FAM83B: variants seen among roughly 807,000 people sequenced by gnomAD.
FAM83B encodes the protein protein FAM83B.
FAM83B carries 26 observed loss-of-function variants against 38.8 expected under a neutral mutation model. That is an observed-to-expected ratio of 0.67 (90% CI 0.49 to 0.93). The LOEUF is 0.93. FAM83B is among the 40% of genes least tolerant of loss of function. The pLI is 0.00. For missense variants in FAM83B, 1,237 were observed against 1,197.3 expected (o/e 1.03, Z -0.49); for synonymous variants, 419 against 423.1 (o/e 0.99, Z 0.12).
chr6:54,927,693 A>C (rs1773330105), intron 4 of FAM83B, 61 bp downstream of exon 4: 1 of 1,110,390 alleles, frequency 9.0e-7, no homozygotes, highest in Non-Finnish European at 1.2e-6. Context: ...TTAGTTTCAA[A>C]TTTTAATATA....
chr6:54,917,455 A>C (rs1311060721), intron 2 of FAM83B, among the ~76,000 whole-genome samples: 2 of 152,166 alleles, frequency 1.3e-5, no homozygotes, highest in African/African-American at 2.4e-5. Flanking sequence ...TCTTCTTTAC[A>C]TAATTAAATT....
At chr6:54,938,897 G>C (rs962006159) in intron 4 of FAM83B, among the ~76,000 whole-genome samples, 5 of 151,980 alleles carry the variant, frequency 3.3e-5, no homozygotes, top group African/African-American at 1.2e-4. Flanking sequence ...TGTTTTTGTT[G>C]CATTTGTTTT....
intron 2 of FAM83B, among the ~76,000 whole-genome samples, chr6:54,922,268 T>G (rs961910578): frequency 3.3e-5 from 5 of 152,046 alleles, no homozygotes; most frequent in African/African-American, 9.7e-5. Flanking sequence ...AAATTAAAAA[T>G]AAATTTTTAA....
intron 3 of FAM83B, 125 bp from the exon 4 acceptor site, chr6:54,927,383 G>GTT: frequency 4.9e-5 from 30 of 610,764 alleles, no homozygotes; most frequent in South Asian, 8.5e-5. Context: ...ATATTTGGGA[G>GTT]TTTTTTTTTT....
At chr6:54,927,449 T>C in intron 3 of FAM83B, 59 bp from the exon 4 acceptor site, 6 of 1,402,848 alleles carry the variant, frequency 4.3e-6, no homozygotes, top group Non-Finnish European at 5.7e-6. Context: ...TGGATTTTGG[T>C]TTTCAAAATA....
At chr6:54,890,357 A>G (rs531933018) in intron 2 of FAM83B, among the ~76,000 whole-genome samples, 11 of 152,160 alleles carry the variant, frequency 7.2e-5, no homozygotes, top group Non-Finnish European at 1.3e-4. Context: ...GCCTTTTTCT[A>G]TTTTTGTAAA....
intron 2 of FAM83B, among the ~76,000 whole-genome samples, chr6:54,920,936 G>C (rs903831892): frequency 1.3e-5 from 2 of 151,824 alleles, no homozygotes; most frequent in African/African-American, 4.8e-5. Flanking sequence ...ATATTTTCAA[G>C]ATCTTTCATA....
rs1416468061 is a variant in FAM83B at position 54,851,724 on chromosome 6, T to G, written c.-61+4898T>G. Among the ~76,000 whole-genome samples, 6 of 134,130 alleles carry G rather than the reference T, an allele frequency of 4.5e-5. 1 individual carries two copies. The highest frequency in any genetic ancestry group is 3.7e-4 in the Admixed American group (5 of 13,374). The allele number at this position is 134,130 out of a possible 152,430, so 88.0% of individuals were successfully genotyped here. A position where few individuals can be genotyped will look rare whatever the true frequency, so the allele number is the denominator to read the frequency against. On this transcript the variant is annotated intron_variant, in intron 1 of 4. Transcript: ENST00000306858. ...GTGCAGTGGCGAGATCTGGGCTCAC[T>G]GCAAGCTCCGCCTCCCGGGTTCATG...
chr6:54,854,120 A>G (rs1055363723), intron 1 of FAM83B, among the ~76,000 whole-genome samples: 5 of 152,224 alleles, frequency 3.3e-5, no homozygotes, highest in Admixed American at 6.5e-5. Flanking sequence ...CAGTGTCATG[A>G]TAACACTTTA....
At chr6:54,880,645 A>G (rs1772113014) in intron 2 of FAM83B, among the ~76,000 whole-genome samples, 1 of 152,004 alleles carries the variant, frequency 6.6e-6, no homozygotes, top group Non-Finnish European at 1.5e-5. Context: ...GGGTTTCACC[A>G]TGTTGGTCAG....
chr6:54,939,801 A>G lies in FAM83B; in HGVS notation c.830A>G (p.Tyr277Cys), dbSNP rs2127591355. Residue 277 changes from tyrosine to cysteine, a missense_variant, in exon 5 of 5, where the codon TAT becomes TGT. Physicochemically the swap from Tyr to Cys is radical, Grantham distance 194. Transcript: ENST00000306858. ...ESFDEEFRTL[Y>C]ARSCVPSSFA... ...TTTGATGAAGAATTTAGAACTCTCT[A>G]TGCCAGATCCTGTGTCCCTAGTTCA... 2.5e-6 allele frequency: 4 copies of G among 1,613,988 alleles called. No homozygotes were observed. The highest frequency in any genetic ancestry group is 2.2e-5 in the South Asian group (2 of 91,080).
chr6:54,941,871 C>T lies in FAM83B; in HGVS notation c.2900C>T (p.Thr967Ile), dbSNP rs1773710724. The T allele has an allele frequency of 6.2e-7, 1 of 1,613,946 alleles. No individual in the cohort carries two copies. The highest frequency in any genetic ancestry group is 1.7e-5 in the Admixed American group (1 of 59,960). ...SINRPEIKSA[T>I]MGNSYGRSSP... The stretch of plus-strand genomic sequence containing the variant: ...AATCGCCCAGAAATAAAATCTGCGA[C>T]TATGGGCAACAGTTATGGCAGGTCT... Residue 967 changes from threonine (T) to isoleucine (I), a missense_variant, in exon 5 of 5, where the codon ACT becomes ATT. By Grantham distance (89) the Thr-to-Ile change is moderately conservative. Transcript: ENST00000306858.
At chr6:54,904,352 C>A (rs925466105) in intron 2 of FAM83B, among the ~76,000 whole-genome samples, 2 of 152,090 alleles carry the variant, frequency 1.3e-5, no homozygotes, top group Admixed American at 6.6e-5. Flanking sequence ...TCTAAGGTAC[C>A]TGTGGAGTGA....
At chr6:54,910,159 G>C (rs1299850248) in intron 2 of FAM83B, among the ~76,000 whole-genome samples, 1 of 152,110 alleles carries the variant, frequency 6.6e-6, no homozygotes, top group Non-Finnish European at 1.5e-5. Context: ...TTTCCACCTA[G>C]CTGTTTCATA....
chr6:54,926,767 C>T (rs138685730), intron 3 of FAM83B, among the ~76,000 whole-genome samples: 1 of 152,256 alleles, frequency 6.6e-6, no homozygotes, highest in Non-Finnish European at 1.5e-5. Flanking sequence ...GAGTCTTGCT[C>T]TCCCTCCCAG....
chr6:54,912,218 T>C (rs1452065778), intron 2 of FAM83B, among the ~76,000 whole-genome samples: 1 of 151,910 alleles, frequency 6.6e-6, no homozygotes, highest in Non-Finnish European at 1.5e-5. Context: ...AACAATTTGG[T>C]TTAATGTAAT....
rs760244907 is a variant in FAM83B, at chr6:54,939,867, C to T, written c.896C>T (p.Ala299Val). Reference protein sequence around the residue: ...EESARVKHGKALWENGTYQHS... With the variant: ...EESARVKHGKVLWENGTYQHS... ...TCAGCAAGGGTGAAGCATGGAAAAG[C>T]CCTCTGGGAAAATGGCACTTACCAG... is the stretch of plus-strand genomic sequence containing the variant. The change falls in exon 5 of 5, where the codon GCC (alanine) becomes GTC (valine). Residue 299 changes from alanine (A) to valine (V), a missense_variant. Physicochemically the swap from Ala to Val is moderately conservative, Grantham distance 64. Coordinates refer to ENST00000306858, the MANE Select transcript of FAM83B (RefSeq NM_001010872.3). The T allele has an allele frequency of 1.2e-6, 2 of 1,613,870 alleles. No homozygotes were observed. Among genetic ancestry groups the T allele is most frequent in the African/African-American group, 2.7e-5 (2 of 74,896 alleles).
intron 1 of FAM83B, among the ~76,000 whole-genome samples, chr6:54,850,457 C>G (rs1771245569): frequency 6.6e-6 from 1 of 152,120 alleles, no homozygotes; most frequent in South Asian, 2.1e-4. Context: ...ACTTCTTTGG[C>G]CAAATTTTCA....
intron 4 of FAM83B, among the ~76,000 whole-genome samples, chr6:54,927,994 C>CT (rs1362588924): frequency 6.6e-6 from 1 of 152,174 alleles, no homozygotes; most frequent in Non-Finnish European, 1.5e-5. Flanking sequence ...AAAACAGAAG[C>CT]TATTTACCAC....
Sources: gnomAD v4.1 joint callset for allele counts (sites outside exome capture counted in the v4.1 genomes callset) on GRCh38, gnomAD v4.1.1 for gene constraint, MANE v1.5 for transcripts, NCBI Gene and HGNC (gene_info 2026-07-23, HGNC 2026-07-21) for gene names.